PSPC1: variants seen among roughly 807,000 people sequenced by gnomAD.
PSPC1 encodes paraspeckle component 1.
A neutral mutation model predicts 51.6 loss-of-function variants in PSPC1; 14 were observed. The ratio of observed to expected loss-of-function variants is 0.27; its 90% CI spans 0.18 to 0.42. The LOEUF is 0.42. PSPC1 is among the 10% of genes least tolerant of loss of function. The pLI, the probability that PSPC1 is intolerant of heterozygous loss-of-function variation, is 1.00. For missense variants in PSPC1, 406 were observed against 701.1 expected, an observed-to-expected ratio of 0.58 and a Z score of 4.75; for synonymous variants, 193 against 231.9, an observed-to-expected ratio of 0.83 and a Z score of 1.53.
intron 3 of PSPC1, among the ~76,000 whole-genome samples, chr13:19,755,836 A>T (rs1157860026): frequency 2.0e-5 from 3 of 152,164 alleles, no homozygotes; most frequent in African/African-American, 7.2e-5. Context: ...AAATCCAGCC[A>T]GGACAGTTGC....
exon 7 of PSPC1, chr13:19,677,808 ATT>A: frequency 2.0e-6 from 1 of 490,902 alleles, no homozygotes; most frequent in South Asian, 1.5e-5. Context: ...CTTCAGCCAC[ATT>A]TTCTTTTATC....
At chr13:19,694,085 T>G (rs1185774846) in intron 6 of PSPC1, among the ~76,000 whole-genome samples, 1 of 115,196 alleles carries the variant, frequency 8.7e-6, no homozygotes, top group Non-Finnish European at 1.6e-5. Flanking sequence ...ATCGCACCAC[T>G]GCACTCCAGC....
At chr13:19,708,070 G>A (rs536855681) in intron 7 of PSPC1, among the ~76,000 whole-genome samples, 1 of 152,230 alleles carries the variant, frequency 6.6e-6, no homozygotes, top group South Asian at 2.1e-4. Context: ...CATGTTTCTT[G>A]CTTCCTGCAT....
chr13:19,759,310 A>G lies in PSPC1; in HGVS notation c.770+13T>C. ...ATAGTACAGACACAAATTATCTATT[A>G]ATAAAATCTTACTTATGATATTGTT... On this transcript the variant is annotated intron_variant, in intron 3 of 8. Transcript: ENST00000338910. 6.3e-7 allele frequency: 1 copy of G among 1,592,220 alleles called. No individual in the cohort carries two copies. Among genetic ancestry groups the G allele is most frequent in the South Asian group, 1.1e-5 (1 of 90,592 alleles).
rs576818507 is a variant in PSPC1, at chr13:19,751,416, C to T, written c.822G>A (p.Glu274=). 6.3e-7 allele frequency: 1 copy of T among 1,583,902 alleles called. No homozygotes were observed. The highest frequency in any genetic ancestry group is 2.3e-5 in the East Asian group (1 of 43,834). Residue 274 remains glutamate (E), a synonymous_variant, in exon 4 of 9, where the codon GAG becomes GAA. Transcript: ENST00000338910. ...RFAQPGTFEF[E]YASRWKALDE... is the part of the protein sequence containing the mutation. Reference sequence around the variant, plus strand: ...CAAGAGCCTTCCATCGAGATGCATACTCAAATTCAAATGTCCCAGGTTGAG... The same window carrying T: ...CAAGAGCCTTCCATCGAGATGCATATTCAAATTCAAATGTCCCAGGTTGAG...
At chr13:19,713,285 T>C (rs917572195) in intron 6 of PSPC1, among the ~76,000 whole-genome samples, 1 of 151,980 alleles carries the variant, frequency 6.6e-6, no homozygotes, top group Non-Finnish European at 1.5e-5. Flanking sequence ...AAGACTGCAG[T>C]GCGCTAAAAT....
At chr13:19,695,583 C>T (rs569537842) in intron 6 of PSPC1, among the ~76,000 whole-genome samples, 1 of 152,248 alleles carries the variant, frequency 6.6e-6, no homozygotes, top group African/African-American at 2.4e-5. Context: ...AGTTCTATGG[C>T]TGCCCAGTAA....
chr13:19,680,716 G>A (rs1030528139), intron 6 of PSPC1, among the ~76,000 whole-genome samples: 1 of 152,160 alleles, frequency 6.6e-6, no homozygotes, highest in African/African-American at 2.4e-5. Flanking sequence ...CAGGTGGTCT[G>A]TCTTTAATTT....
chr13:19,687,310 T>G (rs919550987), intron 6 of PSPC1, among the ~76,000 whole-genome samples: 2 of 152,198 alleles, frequency 1.3e-5, no homozygotes, highest in African/African-American at 4.8e-5. Flanking sequence ...TCTATGGAGC[T>G]TCAATGGTTT....
At chr13:19,715,162 T>C (rs1042874664) in intron 6 of PSPC1, among the ~76,000 whole-genome samples, 1 of 152,216 alleles carries the variant, frequency 6.6e-6, no homozygotes, top group Non-Finnish European at 1.5e-5. Flanking sequence ...AATATTGATA[T>C]AATCCTTTAG....
intron 6 of PSPC1, among the ~76,000 whole-genome samples, chr13:19,723,887 T>C (rs535155977): frequency 1.2e-4 from 19 of 152,286 alleles, no homozygotes; most frequent in East Asian, 5.8e-4. Context: ...TATGAGACCA[T>C]TGCAATGTCT....
At chr13:19,677,211 C>T (rs567924409) in intron 7 of PSPC1, among the ~76,000 whole-genome samples, 18 of 133,980 alleles carry the variant, frequency 1.3e-4, no homozygotes, top group African/African-American at 4.5e-4. Flanking sequence ...CCAGCCTGGG[C>T]GACAGAGCAA....
At chr13:19,709,905 C>CTAGATT (rs1881181310) in intron 6 of PSPC1, among the ~76,000 whole-genome samples, 1 of 151,614 alleles carries the variant, frequency 6.6e-6, no homozygotes, top group Non-Finnish European at 1.5e-5. Context: ...AGACACATGC[C>CTAGATT]TAGATTCCAA....
intron 3 of PSPC1, among the ~76,000 whole-genome samples, chr13:19,754,090 C>CTT (rs990810705): frequency 6.8e-6 from 1 of 146,824 alleles, no homozygotes; most frequent in Non-Finnish European, 1.5e-5. Flanking sequence ...TTCTTTCTTT[C>CTT]TTTTTTTTTT....
Position 19,782,092 on chromosome 13 carries a change from C to A in PSPC1, c.372+294G>T, listed in dbSNP as rs1890035659. Reference sequence around the variant, plus strand: ...CGCTCGCTACCTGGACAGGGTGCACCATGCCCGATCCAGCGCAGGGCAGCA... The same window carrying A: ...CGCTCGCTACCTGGACAGGGTGCACAATGCCCGATCCAGCGCAGGGCAGCA... On this transcript the variant is annotated intron_variant, in intron 1 of 8. Transcript: ENST00000338910. This position sits in a 1 kb window ranked among gnomAD's most constrained non-coding sequence, Gnocchi z 4.5. 1.3e-5 allele frequency among the ~76,000 whole-genome samples: 2 copies of A among 152,254 alleles called. No individual in the cohort carries two copies. The highest frequency in any genetic ancestry group is 2.4e-5 in the African/African-American group (1 of 41,480).
chr13:19,684,509 A>G (rs1425280173), intron 6 of PSPC1, among the ~76,000 whole-genome samples: 1 of 152,236 alleles, frequency 6.6e-6, no homozygotes, highest in Non-Finnish European at 1.5e-5. Flanking sequence ...AATAATATTC[A>G]ATAGTTTATT....
intron 5 of PSPC1, among the ~76,000 whole-genome samples, chr13:19,732,977 C>G (rs901585191): frequency 6.6e-6 from 1 of 151,430 alleles, no homozygotes; most frequent in Non-Finnish European, 1.5e-5. Context: ...TTTTTAGTCT[C>G]AAAGCTTCCG....
intron 6 of PSPC1, among the ~76,000 whole-genome samples, chr13:19,712,396 C>CT (rs1360497456): frequency 1.3e-5 from 2 of 152,072 alleles, no homozygotes; most frequent in African/African-American, 2.4e-5. Context: ...CATAAACAAT[C>CT]TTTTTTATTG....
chr13:19,769,097 C>G (rs1888363129), intron 2 of PSPC1, among the ~76,000 whole-genome samples: 2 of 150,858 alleles, frequency 1.3e-5, no homozygotes, highest in Non-Finnish European at 3.0e-5. Context: ...CGACATGGAA[C>G]CACTGCACTC....
Sources: gnomAD v4.1 joint callset for allele counts (sites outside exome capture counted in the v4.1 genomes callset) on GRCh38, gnomAD v4.1.1 for gene constraint, Gnocchi (gnomAD v3.1) non-coding constraint, MANE v1.5 for transcripts, NCBI Gene and HGNC (gene_info 2026-07-23, HGNC 2026-07-21) for gene names.